Variants in RIN2 observed in about 807,000 individuals in gnomAD.
RIN2 encodes Ras and Rab interactor 2.
Under a neutral mutation model 78.0 loss-of-function variants are expected in RIN2, and 36 were observed. The ratio of observed to expected loss-of-function variants is 0.46; its 90% CI spans 0.35 to 0.61. The LOEUF (loss-of-function observed/expected upper bound fraction) is 0.61. Among genes scored for constraint, RIN2 ranks in the 20% least tolerant of loss-of-function variants. The probability of loss-of-function intolerance (pLI) is 0.00; values close to 1 mark genes in which losing one functional copy is unlikely to be tolerated. For missense variants in RIN2, 1,087 were observed against 1,159.7 expected (o/e 0.94, Z 0.91); for synonymous variants, 466 against 466.8 (o/e 1.00, Z 0.02).
At position 19,975,830 on chromosome 20, in the gene RIN2, T is replaced by G; in HGVS notation, c.1762+43T>G. On this transcript the variant is annotated intron_variant, in intron 9 of 12. Coordinates refer to ENST00000255006, the MANE Select transcript of RIN2 (RefSeq NM_018993.4). The surrounding 1 kb of genome is among the most constrained non-coding windows in gnomAD (Gnocchi z 4.9). ...TAAAATATAAAATCTATTGTAACTC[T>G]GTCCGGGCAGTGCAACCTATGTTTG... 2.9e-5 allele frequency: 45 copies of G among 1,528,158 alleles called. No individual in the cohort carries two copies. The highest frequency in any genetic ancestry group is 3.9e-5 in the Non-Finnish European group (44 of 1,124,716). 94.7% of individuals were successfully genotyped at this position (1,528,158 alleles called of 1,614,324 possible).
chr20:19,899,111 T>C (rs1318805853), intron 3 of RIN2, among the ~76,000 whole-genome samples: 1 of 152,194 alleles, frequency 6.6e-6, no homozygotes, highest in Non-Finnish European at 1.5e-5. Context: ...ACTTCTATTA[T>C]GCCTCTCCTT....
chr20:19,767,938 A>AAAG (rs1459814895), intron 1 of RIN2, among the ~76,000 whole-genome samples: 1 of 151,480 alleles, frequency 6.6e-6, no homozygotes, highest in Non-Finnish European at 1.5e-5. Flanking sequence ...AAAAAAAAAA[A>AAAG]ATCAATGCAA....
At chr20:19,969,366 A>C (rs1344091503) in intron 7 of RIN2, among the ~76,000 whole-genome samples, 3 of 152,106 alleles carry the variant, frequency 2.0e-5, no homozygotes, top group Admixed American at 6.5e-5. Flanking sequence ...CATCCATGCC[A>C]GACCCTCCCC....
chr20:19,949,761 A>G (rs11699817), intron 4 of RIN2, among the ~76,000 whole-genome samples: 9,032 of 152,274 alleles, frequency 0.059, 320 homozygotes, highest in East Asian at 0.086. Context: ...CCTGGTCACT[A>G]GGACTGGTCA....
intron 2 of RIN2, among the ~76,000 whole-genome samples, chr20:19,877,159 C>T (rs1476562695): frequency 2.0e-5 from 3 of 152,142 alleles, no homozygotes; most frequent in Non-Finnish European, 4.4e-5. Context: ...GATGCTGTTA[C>T]AACCACCCAA....
intron 6 of RIN2, among the ~76,000 whole-genome samples, chr20:19,963,855 CTTTTTTTTTTTT>C (rs869033357): frequency 1.2e-5 from 1 of 86,622 alleles, no homozygotes; most frequent in African/African-American, 5.0e-5. Flanking sequence ...CAGTATGTGT[CTTTTTTTTTTTT>C]TTTTTTTTTT....
chr20:19,793,712 C>T (rs1204549021), intron 1 of RIN2, among the ~76,000 whole-genome samples: 2 of 152,170 alleles, frequency 1.3e-5, no homozygotes, highest in Non-Finnish European at 2.9e-5. Context: ...TTGAGTAACT[C>T]CAAATTTTCC....
At chr20:19,993,255 G>C (rs2424254) in intron 11 of RIN2, among the ~76,000 whole-genome samples, 2,569 of 151,316 alleles carry the variant, frequency 0.017, 45 homozygotes, top group Non-Finnish European at 0.027. Context: ...CAAGCCCTGG[G>C]GGGGATTGTC....
intron 2 of RIN2, among the ~76,000 whole-genome samples, chr20:19,844,981 G>A (rs1031013756): frequency 6.6e-6 from 1 of 151,928 alleles, no homozygotes; most frequent in Non-Finnish European, 1.5e-5. Context: ...AGAACATCTG[G>A]TGCTTGGTTT....
intron 1 of RIN2, among the ~76,000 whole-genome samples, chr20:19,769,071 A>G (rs975015154): frequency 6.6e-6 from 1 of 151,686 alleles, no homozygotes; most frequent in African/African-American, 2.4e-5. Flanking sequence ...ACAGGTGCCC[A>G]CCGCCACGCC....
intron 9 of RIN2, among the ~76,000 whole-genome samples, chr20:19,988,710 G>A (rs903908388): frequency 1.3e-5 from 2 of 152,088 alleles, no homozygotes; most frequent in Admixed American, 6.5e-5. Context: ...GAAGAATAAC[G>A]CCTCCCACAC....
At chr20:19,923,064 G>A (rs753782632) in intron 3 of RIN2, among the ~76,000 whole-genome samples, 6 of 152,200 alleles carry the variant, frequency 3.9e-5, no homozygotes, top group Non-Finnish European at 8.8e-5. Flanking sequence ...ACTGCTTAGA[G>A]CAGCAGAGAT....
chr20:19,910,688 C>A lies in RIN2; in HGVS notation c.57+21030C>A, dbSNP rs1376384646. 2.6e-5 allele frequency among the ~76,000 whole-genome samples: 4 copies of A among 151,816 alleles called. No homozygotes were observed. The East Asian group carries it at 7.8e-4, about 30-fold the overall frequency. On this transcript the variant is annotated intron_variant, in intron 3 of 12. Transcript: ENST00000255006. ...GGTTCAAGTAATTCTCCTGCCATAG[C>A]CTCCCACAGAGCTGGGATTACAGGC...
At chr20:19,924,434 C>T (rs900869370) in intron 3 of RIN2, among the ~76,000 whole-genome samples, 76 of 79,366 alleles carry the variant, frequency 9.6e-4, no homozygotes, top group African/African-American at 3.6e-3. Flanking sequence ...TTTCATACCC[C>T]CACCTTCATA....
chr20:19,792,426 G>T (rs935647013), intron 1 of RIN2, among the ~76,000 whole-genome samples: 1 of 152,196 alleles, frequency 6.6e-6, no homozygotes, highest in Non-Finnish European at 1.5e-5. Flanking sequence ...TCATCAGAGG[G>T]TATCATGTGC....
At chr20:19,821,502 T>C (rs1169878336) in intron 2 of RIN2, among the ~76,000 whole-genome samples, 1 of 152,142 alleles carries the variant, frequency 6.6e-6, no homozygotes, top group African/African-American at 2.4e-5. Flanking sequence ...AAACCTCAAT[T>C]TGTCTCTATG....
intron 3 of RIN2, among the ~76,000 whole-genome samples, chr20:19,924,104 C>G (rs2040054538): frequency 8.3e-6 from 1 of 120,890 alleles, no homozygotes; most frequent in African/African-American, 3.2e-5. Context: ...ACTTTCCATA[C>G]CCCTACCTTC....
intron 9 of RIN2, among the ~76,000 whole-genome samples, chr20:19,986,892 AG>A (rs1170264007): frequency 2.0e-5 from 3 of 152,254 alleles, no homozygotes; most frequent in African/African-American, 7.2e-5. Flanking sequence ...ACACCCATGT[AG>A]ACACAGTCCA....
At chr20:19,826,480 T>G (rs953008134) in intron 2 of RIN2, among the ~76,000 whole-genome samples, 21 of 152,206 alleles carry the variant, frequency 1.4e-4, no homozygotes, top group African/African-American at 4.8e-4. Flanking sequence ...AGGATGTAAT[T>G]AGCACATCAT....
Sources: allele counts gnomAD v4.1 joint callset (sites outside exome capture counted in the v4.1 genomes callset), GRCh38; gene constraint gnomAD v4.1.1; non-coding constraint Gnocchi (gnomAD v3.1); transcripts MANE v1.5; gene names NCBI Gene and HGNC (gene_info 2026-07-23, HGNC 2026-07-21).